The following CC2D2A variants were observed in gnomAD, a reference collection of about 807,000 sequenced individuals.
CC2D2A encodes the protein coiled-coil and C2 domain containing 2A, also known as coiled-coil and C2 domain-containing protein 2A.
Under a neutral mutation model 212.9 loss-of-function variants are expected in CC2D2A, and 155 were observed. That is an observed-to-expected ratio of 0.73 (90% CI 0.64 to 0.83). CC2D2A has a LOEUF of 0.83. CC2D2A is among the 40% of genes least tolerant of loss of function. The pLI is 0.00. For synonymous variants in CC2D2A, 667 were observed against 686.5 expected (o/e 0.97, Z 0.44); for missense variants, 1,856 against 1,956.2 (o/e 0.95, Z 0.97).
intron 30 of CC2D2A, among the ~76,000 whole-genome samples, chr4:15,581,628 T>C (rs1720668204): frequency 6.6e-6 from 1 of 152,172 alleles, no homozygotes; most frequent in Admixed American, 6.6e-5. Context: ...AAATGCCCTG[T>C]CTAAAGAAGG....
In CC2D2A at chr4:15,563,521, A is replaced by C. The variant is rs1283882349; in HGVS notation, c.3181A>C (p.Ser1061Arg). 10 of 1,611,040 alleles carry C rather than the reference A, an allele frequency of 6.2e-6. No homozygotes were observed. The highest frequency in any genetic ancestry group is 8.5e-6 in the Non-Finnish European group (10 of 1,178,846). ...CATTCCAGTGAGGAAGCCGGCAGTG[A>C]GGTGAGAGCCCTCCCAACAGCCCGA... ...YDIPVRKPAV[S>R]KFQQPSRSSR... The change falls in exon 24 of 37, where the codon AGC (serine) becomes CGC (arginine). Residue 1061 changes from serine to arginine, a missense_variant and splice_region_variant. This residue lies in a region of CC2D2A where 1,512 missense variants were observed against 1,579.3 expected (regional missense o/e 0.96). Transcript: ENST00000424120.
At chr4:15,554,482 A>C (rs888128949) in intron 19 of CC2D2A, among the ~76,000 whole-genome samples, 2 of 152,132 alleles carry the variant, frequency 1.3e-5, no homozygotes, top group African/African-American at 4.8e-5. Flanking sequence ...AGACCAGCCT[A>C]GCCAACATGG....
rs1720594836 is a variant in CC2D2A, at chr4:15,580,093, T to G, written c.3897T>G (p.Phe1299Leu). The change falls in exon 30 of 37, where the codon TTT (phenylalanine) becomes TTG (leucine). Residue 1299 changes from phenylalanine (F) to leucine (L), a missense_variant. Coordinates refer to ENST00000424120, the MANE Select transcript of CC2D2A (RefSeq NM_001378615.1). The stretch of plus-strand genomic sequence containing the variant: ...TTGATATAAGCGGAAAAACTGTTTT[T>G]ATCACACGTTATCTCAAACCTTTAA... ...TVIDISGKTVFITRYLKPLNP... is the reference protein window; with the variant it reads ...TVIDISGKTVLITRYLKPLNP... The G allele has an allele frequency of 6.2e-7, 1 of 1,613,860 alleles. No individual in the cohort carries two copies. Among genetic ancestry groups the G allele is most frequent in the South Asian group, 1.1e-5 (1 of 91,092 alleles).
chr4:15,533,172 A>T (rs1717939501), intron 13 of CC2D2A, 21 bp from the exon 14 acceptor site: 5 of 1,567,982 alleles, frequency 3.2e-6, no homozygotes, highest in African/African-American at 2.8e-5. Flanking sequence ...ATATATACTC[A>T]TGTGTTATTA....
Position 15,586,174 on chromosome 4 carries a change from T to G in CC2D2A, c.3993T>G (p.Tyr1331Ter), listed in dbSNP as rs1003998772. Residue 1331 changes from tyrosine (Y) to a stop codon, truncating the protein, a stop_gained, in exon 31 of 37, where the codon TAT becomes TAG. Transcript: ENST00000424120. LOFTEE classifies it high-confidence loss of function. ...LQATAELVAR[Y>*]VSLIPFLPDT... Reference sequence around the variant, plus strand: ...TTATACAGGAACTGGTGGCTCGATATGTGTCCTTGATTCCCTTCTTGCCTG... The same window carrying G: ...TTATACAGGAACTGGTGGCTCGATAGGTGTCCTTGATTCCCTTCTTGCCTG... 6.2e-7 allele frequency: 1 copy of G among 1,610,964 alleles called. No homozygotes were observed. The highest frequency in any genetic ancestry group is 8.5e-7 in the Non-Finnish European group (1 of 1,177,858).
At chr4:15,551,628 TC>T (rs1719013950) in intron 18 of CC2D2A, among the ~76,000 whole-genome samples, 1 of 152,206 alleles carries the variant, frequency 6.6e-6, no homozygotes, top group African/African-American at 2.4e-5. Context: ...TATGCTTAGT[TC>T]TTTCCCAATC....
chr4:15,563,304 T>C, intron 23 of CC2D2A, 51 bp from the exon 24 acceptor site: 1 of 1,516,268 alleles, frequency 6.6e-7, no homozygotes, highest in Non-Finnish European at 8.9e-7. Context: ...TCTCACAATT[T>C]TGCAGACCTT....
At chr4:15,581,777 A>T (rs752939160) in intron 30 of CC2D2A, among the ~76,000 whole-genome samples, 7 of 152,258 alleles carry the variant, frequency 4.6e-5, no homozygotes, top group Non-Finnish European at 1.5e-5. Flanking sequence ...CTGAAAATCT[A>T]GTTGAAAGTA....
chr4:15,545,168 T>C (rs1718647716), intron 17 of CC2D2A, among the ~76,000 whole-genome samples: 1 of 152,230 alleles, frequency 6.6e-6, no homozygotes, highest in Non-Finnish European at 1.5e-5. Flanking sequence ...ACATGATTGC[T>C]AGATTTAAAC....
Position 15,550,816 on chromosome 4 carries a change from G to C in CC2D2A, c.2182-8G>C. On this transcript the variant is annotated splice_region_variant and splice_polypyrimidine_tract_variant and intron_variant, in intron 17 of 36. Coordinates refer to ENST00000424120, the MANE Select transcript of CC2D2A (RefSeq NM_001378615.1). ...TTTTATTGGCTATTTCTCTTCTCTG[G>C]TTTTCAGGTCTATGAAACTGTCGGA... is the stretch of plus-strand genomic sequence containing the variant. 1 of 1,550,674 alleles carries C rather than the reference G, an allele frequency of 6.4e-7. No individual in the cohort carries two copies. Among genetic ancestry groups the C allele is most frequent in the African/African-American group, 1.4e-5 (1 of 74,044 alleles).
At chr4:15,583,369 T>C (rs1219849494) in intron 30 of CC2D2A, among the ~76,000 whole-genome samples, 1 of 152,148 alleles carries the variant, frequency 6.6e-6, no homozygotes, top group African/African-American at 2.4e-5. Context: ...ATAAAGGGCA[T>C]CCAGATTTGA....
At chr4:15,544,254 T>G (rs1424597403) in intron 17 of CC2D2A, among the ~76,000 whole-genome samples, 1 of 152,210 alleles carries the variant, frequency 6.6e-6, no homozygotes, top group Non-Finnish European at 1.5e-5. Context: ...CTCTGTCACC[T>G]GCCCTGAATA....
intron 11 of CC2D2A, chr4:15,519,796 C>T: frequency 6.3e-6 from 2 of 316,738 alleles, no homozygotes; most frequent in South Asian, 5.0e-5. Flanking sequence ...AAGACCCACC[C>T]CCATAATTCA....
At chr4:15,497,877 A>G (rs1577325932) in intron 4 of CC2D2A, among the ~76,000 whole-genome samples, 2 of 152,232 alleles carry the variant, frequency 1.3e-5, no homozygotes, top group African/African-American at 4.8e-5. Context: ...TATGTCAATA[A>G]AACTGTTATT....
intron 17 of CC2D2A, among the ~76,000 whole-genome samples, chr4:15,542,177 C>T (rs1718489411): frequency 6.6e-6 from 1 of 152,148 alleles, no homozygotes; most frequent in African/African-American, 2.4e-5. Flanking sequence ...TCTGCAAAGA[C>T]CCCATTTCCA....
At chr4:15,567,505 T>C (rs915083748) in intron 25 of CC2D2A, 23 bp downstream of exon 25, 15 of 1,591,770 alleles carry the variant, frequency 9.4e-6, no homozygotes, top group Non-Finnish European at 1.2e-5. Context: ...GGACTTCAGC[T>C]TTCCACCTTG....
Position 15,599,599 on chromosome 4 carries a change from T to C in CC2D2A, c.4567T>C (p.Cys1523Arg). 1 of 1,613,108 alleles carries C rather than the reference T, an allele frequency of 6.2e-7. No individual in the cohort carries two copies. Among genetic ancestry groups the C allele is most frequent in the Admixed American group, 1.7e-5 (1 of 59,932 alleles). The change falls in exon 36 of 37, where the codon TGT (cysteine) becomes CGT (arginine). Residue 1523 changes from cysteine (C) to arginine (R), a missense_variant. Physicochemically the swap from Cys to Arg is radical, Grantham distance 180. This residue lies in a region of CC2D2A where 285 missense variants were observed against 278.4 expected (regional missense o/e 1.02). Coordinates refer to ENST00000424120, the MANE Select transcript of CC2D2A (RefSeq NM_001378615.1). Reference protein sequence around the residue: ...PRHLTRWNRYCTSTLRHFLPL... With the variant: ...PRHLTRWNRYRTSTLRHFLPL... Reference sequence around the variant, plus strand: ...CCATCTGACTCGGTGGAATAGGTATTGTACCTCTACTCTGCGTCACTTCTT... The same window carrying C: ...CCATCTGACTCGGTGGAATAGGTATCGTACCTCTACTCTGCGTCACTTCTT...
intron 29 of CC2D2A, among the ~76,000 whole-genome samples, chr4:15,579,024 CA>C (rs71179639): frequency 2.0e-5 from 3 of 151,830 alleles, no homozygotes; most frequent in African/African-American, 7.3e-5. Context: ...TATTTTTATA[CA>C]AAAAAAATTT....
chr4:15,500,596 G>C (rs1346537148), intron 4 of CC2D2A, among the ~76,000 whole-genome samples: 1 of 152,138 alleles, frequency 6.6e-6, no homozygotes, highest in Non-Finnish European at 1.5e-5. Context: ...TTGGGGGCAT[G>C]ATATAAGTAG....
Sources: gnomAD v4.1 joint callset for allele counts (sites outside exome capture counted in the v4.1 genomes callset) on GRCh38, gnomAD v4.1.1 for gene constraint, gnomAD v4.1.1 regional missense constraint, MANE v1.5 for transcripts, NCBI Gene and HGNC (gene_info 2026-07-23, HGNC 2026-07-21) for gene names.